Variants in EEFSEC observed in about 807,000 individuals in gnomAD.
EEFSEC encodes the protein eukaryotic elongation factor, selenocysteine-tRNA specific.
EEFSEC carries 43 observed loss-of-function variants against 42.1 expected under a neutral mutation model. The ratio of observed to expected loss-of-function variants is 1.02; its 90% CI spans 0.80 to 1.32. The LOEUF (loss-of-function observed/expected upper bound fraction) is 1.32, where lower values mean the gene tolerates loss of function less well. EEFSEC is among the 40% of genes most tolerant of loss of function. The pLI is 0.00. For missense variants in EEFSEC, 745 were observed against 803.6 expected (o/e 0.93, Z 0.88); for synonymous variants, 354 against 339.1 (o/e 1.04, Z -0.48).
At chr3:128,265,577 C>T (rs189891340) in intron 4 of EEFSEC, among the ~76,000 whole-genome samples, 4 of 152,320 alleles carry the variant, frequency 2.6e-5, no homozygotes, top group Non-Finnish European at 2.9e-5. Context: ...GCCTGGAATG[C>T]TGGGGTCCAG....
intron 6 of EEFSEC, among the ~76,000 whole-genome samples, chr3:128,379,833 G>T (rs571145923): frequency 2.2e-4 from 34 of 152,370 alleles, no homozygotes; most frequent in Non-Finnish European, 4.3e-4. Flanking sequence ...GTTGGGTCCC[G>T]TCAGCTGTCC....
chr3:128,365,038 C>A (rs1237515617), intron 6 of EEFSEC, among the ~76,000 whole-genome samples: 1 of 152,254 alleles, frequency 6.6e-6, no homozygotes, highest in African/African-American at 2.4e-5. Context: ...GCCCTGCAGC[C>A]TTCTCCCAGG....
intron 4 of EEFSEC, among the ~76,000 whole-genome samples, chr3:128,276,249 G>A (rs2066466948): frequency 6.6e-6 from 1 of 152,176 alleles, no homozygotes; most frequent in African/African-American, 2.4e-5. Flanking sequence ...GGGTTAGGGC[G>A]GGTTGCTTGA....
intron 4 of EEFSEC, among the ~76,000 whole-genome samples, chr3:128,290,149 C>T (rs541609254): frequency 6.6e-6 from 1 of 152,086 alleles, no homozygotes; most frequent in East Asian, 1.9e-4. Context: ...GAGATCTTTG[C>T]CTTTGCCTAT....
intron 6 of EEFSEC, among the ~76,000 whole-genome samples, chr3:128,391,850 C>G (rs1324925530): frequency 6.6e-6 from 1 of 152,204 alleles, no homozygotes; most frequent in Non-Finnish European, 1.5e-5. Context: ...GGCAGAAAGA[C>G]AAGCAACGAA....
chr3:128,280,390 T>C (rs1239849068), intron 4 of EEFSEC, among the ~76,000 whole-genome samples: 1 of 152,264 alleles, frequency 6.6e-6, no homozygotes, highest in East Asian at 1.9e-4. Context: ...AGAGCAACTT[T>C]TGTTCTGTCC....
intron 1 of EEFSEC, among the ~76,000 whole-genome samples, chr3:128,188,316 T>G (rs2065485134): frequency 1.3e-5 from 2 of 152,102 alleles, no homozygotes; most frequent in Admixed American, 1.3e-4. Flanking sequence ...GGGTGTGGGA[T>G]GAGGATGCTG....
rs2066375357 is a variant in EEFSEC at position 128,268,209 on chromosome 3, A to G, written c.786+3428A>G. 2.0e-5 allele frequency among the ~76,000 whole-genome samples: 3 copies of G among 152,168 alleles called. No homozygotes were observed. The South Asian group carries it at 6.2e-4, about 32-fold the overall frequency. ...TTTTTTCCACCGTCTCCCTTTTGGA[A>G]TGTTAGAAGTAGGTAAATTGTTTTC... is the stretch of plus-strand genomic sequence containing the variant. On this transcript the variant is annotated intron_variant, in intron 4 of 6. Transcript: ENST00000254730.
chr3:128,404,691 C>CG (rs778692536), intron 6 of EEFSEC, among the ~76,000 whole-genome samples: 85 of 152,334 alleles, frequency 5.6e-4, no homozygotes, highest in Non-Finnish European at 8.1e-4. Context: ...CCATCCCAAG[C>CG]GGGGGGCAGA....
intron 4 of EEFSEC, among the ~76,000 whole-genome samples, chr3:128,278,449 G>A (rs561555079): frequency 6.6e-6 from 1 of 152,280 alleles, no homozygotes; most frequent in East Asian, 1.9e-4. Context: ...AGGGGAGAGT[G>A]AACAGAGCCA....
At chr3:128,206,018 T>C (rs918488581) in intron 1 of EEFSEC, among the ~76,000 whole-genome samples, 2 of 152,242 alleles carry the variant, frequency 1.3e-5, no homozygotes, top group African/African-American at 4.8e-5. Flanking sequence ...TTTAAGTATT[T>C]TACAATGCAA....
chr3:128,274,281 A>T (rs1330254226), intron 4 of EEFSEC, among the ~76,000 whole-genome samples: 1 of 152,184 alleles, frequency 6.6e-6, no homozygotes, highest in African/African-American at 2.4e-5. Context: ...CTTGTCTATC[A>T]GTGGGGTTGA....
chr3:128,240,789 G>T (rs2066061573), intron 1 of EEFSEC, among the ~76,000 whole-genome samples: 1 of 152,248 alleles, frequency 6.6e-6, no homozygotes, highest in Non-Finnish European at 1.5e-5. Flanking sequence ...ACCTGTGTTG[G>T]ATGGAGCCTG....
intron 4 of EEFSEC, among the ~76,000 whole-genome samples, chr3:128,322,969 A>G (rs2067024416): frequency 6.6e-6 from 1 of 152,184 alleles, no homozygotes; most frequent in Non-Finnish European, 1.5e-5. Flanking sequence ...GGGGCAGAGT[A>G]TTTCCTGGCA....
chr3:128,248,310 T>C (rs1277528628), intron 2 of EEFSEC, among the ~76,000 whole-genome samples: 3 of 152,222 alleles, frequency 2.0e-5, no homozygotes, highest in Non-Finnish European at 4.4e-5. Flanking sequence ...GAGAGCGTTT[T>C]TGTTTCCCTG....
chr3:128,183,630 T>C (rs2065434377), intron 1 of EEFSEC, among the ~76,000 whole-genome samples: 1 of 152,210 alleles, frequency 6.6e-6, no homozygotes, highest in South Asian at 2.1e-4. Context: ...AAAACATTGA[T>C]AGCAATACTT....
At position 128,179,455 on chromosome 3, in the gene EEFSEC, G is replaced by T. The variant is rs139588225; in HGVS notation, c.316+25632G>T. ...TTGCTAATCAGATACAATTGGAGCA[G>T]ATAATATTTGAGTATCTGAGGCTAG... On this transcript the variant is annotated intron_variant, in intron 1 of 6. Coordinates refer to ENST00000254730, the MANE Select transcript of EEFSEC (RefSeq NM_021937.5). Among the ~76,000 whole-genome samples the T allele has an allele frequency of 9.4e-4, 143 of 152,362 alleles. 1 individual carries two copies. The East Asian group carries it at 0.024, about 26-fold the overall frequency.
chr3:128,403,448 C>T (rs575728101), intron 6 of EEFSEC, among the ~76,000 whole-genome samples: 1 of 152,318 alleles, frequency 6.6e-6, no homozygotes, highest in Non-Finnish European at 1.5e-5. Context: ...GGTGGCAGAG[C>T]AGGCCCTGTC....
At position 128,248,896 on chromosome 3, in the gene EEFSEC, C is replaced by A. The variant is rs371840491; in HGVS notation, c.524+1853C>A. Among the ~76,000 whole-genome samples, 28 of 152,272 alleles carry A rather than the reference C, an allele frequency of 1.8e-4. No homozygotes were observed. The East Asian group carries it at 5.0e-3, about 27-fold the overall frequency. ...CAAATTATGGACTTTATCACACATC[C>A]AGAGGAAATTGTCCATCTGAGGGTC... is the stretch of plus-strand genomic sequence containing the variant. On this transcript the variant is annotated intron_variant, in intron 2 of 6. Coordinates refer to ENST00000254730, the MANE Select transcript of EEFSEC (RefSeq NM_021937.5).
Sources: gnomAD v4.1 joint callset for allele counts (sites outside exome capture counted in the v4.1 genomes callset) on GRCh38, gnomAD v4.1.1 for gene constraint, MANE v1.5 for transcripts, NCBI Gene and HGNC (gene_info 2026-07-23, HGNC 2026-07-21) for gene names.